The following MYO1H variants were observed in gnomAD, a reference collection of about 807,000 sequenced individuals.
MYO1H encodes unconventional myosin-Ih.
A neutral mutation model predicts 149.3 loss-of-function variants in MYO1H; 118 were observed. The ratio of observed to expected loss-of-function variants is 0.79; its 90% CI spans 0.68 to 0.92. The LOEUF is 0.92. Among genes scored for constraint, MYO1H ranks in the 40% least tolerant of loss-of-function variants. The pLI is 0.00. For missense variants in MYO1H, 1,212 were observed against 1,280.7 expected (o/e 0.95, Z 0.82); for synonymous variants, 447 against 465.2 (o/e 0.96, Z 0.50).
At chr12:109,361,445 A>G (rs1312986049) in intron 1 of MYO1H, among the ~76,000 whole-genome samples, 1 of 152,194 alleles carries the variant, frequency 6.6e-6, no homozygotes, top group African/African-American at 2.4e-5. Flanking sequence ...TAGTTTCACA[A>G]AGTGAAAGCA....
intron 1 of MYO1H, among the ~76,000 whole-genome samples, chr12:109,362,603 A>AGGAT (rs1262247367): frequency 6.6e-6 from 1 of 152,220 alleles, no homozygotes; most frequent in African/African-American, 2.4e-5. Flanking sequence ...ATGCAGAAGT[A>AGGAT]GGATTGGACA....
At chr12:109,343,266 A>G (rs2048092369), upstream of MYO1H, among the ~76,000 whole-genome samples, 1 of 152,206 alleles carries the variant, frequency 6.6e-6, no homozygotes, top group Non-Finnish European at 1.5e-5. Flanking sequence ...GTAAGTTTGT[A>G]TGTGCCAGGG....
chr12:109,344,709 T>C (rs1331487511), upstream of MYO1H, among the ~76,000 whole-genome samples: 1 of 152,192 alleles, frequency 6.6e-6, no homozygotes, highest in Non-Finnish European at 1.5e-5. Flanking sequence ...AATTGGATGT[T>C]TTACATTTCC....
intron 29 of MYO1H, 72 bp from the exon 30 acceptor site, chr12:109,444,360 C>A: frequency 2.5e-6 from 4 of 1,570,164 alleles, no homozygotes; most frequent in Non-Finnish European, 3.5e-6. Context: ...CACCGTGAAA[C>A]TTCTCTATTG....
chr12:109,434,647 A>C (rs767573814), intron 20 of MYO1H, among the ~76,000 whole-genome samples: 4 of 152,196 alleles, frequency 2.6e-5, no homozygotes, highest in African/African-American at 9.7e-5. Context: ...GATTTAAAAC[A>C]AATCTATTCT....
intron 1 of MYO1H, among the ~76,000 whole-genome samples, chr12:109,353,393 C>CAAAAAAA (rs55927192): frequency 5.0e-5 from 4 of 79,288 alleles, no homozygotes; most frequent in African/African-American, 9.4e-5. Flanking sequence ...GACTCCGTCT[C>CAAAAAAA]AAAAAAAAAA....
Position 109,444,427 on chromosome 12 carries a change from C to G in MYO1H, c.2896-5C>G. On this transcript the variant is annotated splice_region_variant and splice_polypyrimidine_tract_variant and intron_variant, in intron 29 of 31. Coordinates refer to ENST00000310903, the Ensembl canonical transcript of MYO1H. ...AAATTATGCCTTGTCTCCTCCCCACCCCAGGGGGATGCCGTTTTGCAGTGT... is the reference window on the plus strand; with the variant it reads ...AAATTATGCCTTGTCTCCTCCCCACGCCAGGGGGATGCCGTTTTGCAGTGT... The G allele has an allele frequency of 1.2e-6, 2 of 1,612,580 alleles. No individual in the cohort carries two copies. Among genetic ancestry groups the G allele is most frequent in the Non-Finnish European group, 1.7e-6 (2 of 1,178,806 alleles).
At chr12:109,403,420 A>G (rs1265750282) in intron 6 of MYO1H, among the ~76,000 whole-genome samples, 4 of 152,228 alleles carry the variant, frequency 2.6e-5, no homozygotes, top group African/African-American at 4.8e-5. Flanking sequence ...TTTGTCTAGA[A>G]TGTTTTCTCT....
chr12:109,446,093 A>G (rs752786140), intron 31 of MYO1H: 6 of 985,320 alleles, frequency 6.1e-6, no homozygotes, highest in Non-Finnish European at 7.2e-6. Context: ...GTAAGAAAAT[A>G]TAAAGTTGCT....
chr12:109,389,161 T>A (rs1869522892), intron 2 of MYO1H, among the ~76,000 whole-genome samples: 1 of 152,174 alleles, frequency 6.6e-6, no homozygotes, highest in East Asian at 1.9e-4. Context: ...TTCTTAGGCA[T>A]CCATTTCTTT....
intron 23 of MYO1H, among the ~76,000 whole-genome samples, chr12:109,438,850 A>G (rs1186602692): frequency 1.3e-5 from 2 of 152,206 alleles, no homozygotes; most frequent in Non-Finnish European, 2.9e-5. Flanking sequence ...CAAAAGTCAC[A>G]AAGTCAAATG....
the MYO1H span, among the ~76,000 whole-genome samples, chr12:109,318,882 T>G: frequency 2.0e-5 from 3 of 150,776 alleles, no homozygotes; most frequent in Non-Finnish European, 4.4e-5. Context: ...TTGTGAGAAA[T>G]GTACCATGGT....
chr12:109,367,661 C>T (rs1220194263), intron 1 of MYO1H, among the ~76,000 whole-genome samples: 1 of 152,088 alleles, frequency 6.6e-6, no homozygotes, highest in African/African-American at 2.4e-5. Context: ...ACCCCATTCT[C>T]CTGCCTCAGC....
chr12:109,440,785 G>A, exon 25 of MYO1H: 4 of 1,566,800 alleles, frequency 2.6e-6, no homozygotes, highest in East Asian at 2.4e-5. Context: ...GGAACCTGGT[G>A]CAGAAGTACT....
Position 109,399,330 on chromosome 12 carries a change from A to C in MYO1H, c.570+1518A>C, listed in dbSNP as rs547570898. On this transcript the variant is annotated intron_variant, in intron 5 of 31. Coordinates refer to ENST00000310903, the Ensembl canonical transcript of MYO1H. ...ATCCAGGCCAGGCCTGGTGGCTCGC[A>C]CCTGTAATCCCAGCACTTTGGGAGG... Among the ~76,000 whole-genome samples, 1,025 of 152,206 alleles carry C rather than the reference A, an allele frequency of 6.7e-3. 53 individuals carry two copies. Among genetic ancestry groups the C allele is most frequent in the Admixed American group, 0.058 (892 of 15,286 alleles).
At chr12:109,396,216 C>G (rs996273234) in intron 3 of MYO1H, among the ~76,000 whole-genome samples, 168 bp from the exon 4 acceptor site, 2 of 152,112 alleles carry the variant, frequency 1.3e-5, no homozygotes, top group Admixed American at 6.5e-5. Flanking sequence ...AGCCACTGTG[C>G]CCCGCCTATG....
intron 19 of MYO1H, among the ~76,000 whole-genome samples, chr12:109,432,239 T>A (rs1168715823): frequency 6.6e-6 from 1 of 151,930 alleles, no homozygotes; most frequent in African/African-American, 2.4e-5. Context: ...CTCTTGACCT[T>A]GTGATCCGCC....
At chr12:109,368,402 TC>T (rs1868912278) in intron 1 of MYO1H, among the ~76,000 whole-genome samples, 1 of 152,162 alleles carries the variant, frequency 6.6e-6, no homozygotes, top group African/African-American at 2.4e-5. Flanking sequence ...ATGCCTGTAA[TC>T]CCAGCACTTT....
intron 1 of MYO1H, among the ~76,000 whole-genome samples, chr12:109,370,871 G>C (rs574675474): frequency 1.5e-4 from 23 of 152,284 alleles, no homozygotes; most frequent in African/African-American, 5.5e-4. Flanking sequence ...CCCCTGAGAG[G>C]CTTCTAGAAG....
Sources: allele counts gnomAD v4.1 joint callset (sites outside exome capture counted in the v4.1 genomes callset), GRCh38; gene constraint gnomAD v4.1.1; transcripts MANE v1.5; gene names NCBI Gene and HGNC (gene_info 2026-07-23, HGNC 2026-07-21).